Variants in TKTL1 observed in about 807,000 individuals in gnomAD.
The protein encoded by TKTL1 is transketolase-like protein 1.
A neutral mutation model predicts 39.3 loss-of-function variants in TKTL1; 1 was observed. That is an observed-to-expected ratio of 0.03 (90% CI 0.01 to 0.12). The LOEUF is 0.12. Among genes scored for constraint, TKTL1 ranks in the 10% least tolerant of loss-of-function variants. The probability of loss-of-function intolerance (pLI) is 1.00; values close to 1 mark genes in which losing one functional copy is unlikely to be tolerated. For missense variants in TKTL1, 575 were observed against 509.6 expected, an observed-to-expected ratio of 1.13 and a Z score of -1.24; for synonymous variants, 262 against 193.8, an observed-to-expected ratio of 1.35 and a Z score of -2.92.
intron 7 of TKTL1, among the ~76,000 whole-genome samples, chrX:154,318,707 CAAAAAA>C (rs1208196360): frequency 1.7e-4 from 5 of 30,138 alleles, no homozygotes; most frequent in Non-Finnish European, 2.9e-4. Flanking sequence ...GCCTCCGTCT[CAAAAAA>C]AAAAAAAAAA....
chrX:154,322,517 C>T lies in TKTL1; in HGVS notation c.1187-690C>T, dbSNP rs782098745. On this transcript the variant is annotated intron_variant, in intron 8 of 12. Transcript: ENST00000369915. ...GTGCGCTCAAGCCTGGGCAACAGAG[C>T]GAGACTCTGTCTCAAAATAATAATA... is the stretch of plus-strand genomic sequence containing the variant. 1.6e-4 allele frequency among the ~76,000 whole-genome samples: 18 copies of T among 110,926 alleles called. No individual in the cohort carries two copies. In the East Asian group the frequency reaches 3.4e-3, roughly 21 times the overall value.
At chrX:154,313,513 C>T (rs2067374282) in intron 6 of TKTL1, among the ~76,000 whole-genome samples, 2 of 112,235 alleles carry the variant, frequency 1.8e-5, no homozygotes, top group Admixed American at 1.9e-4. Context: ...CTTTCTGATC[C>T]TTCTTTATTT....
Position 154,295,996 on chromosome X carries a change from A to G in TKTL1, c.134+3A>G, listed in dbSNP as rs782091965. ...GCCACATGCTCCACGAGCTCCGGGT[A>G]AGTTCTCCTCATTGAAGTCTGGGTC... is the stretch of plus-strand genomic sequence containing the variant. On this transcript the variant is annotated splice_donor_region_variant and intron_variant, in intron 1 of 12. Transcript: ENST00000369915. The G allele has an allele frequency of 4.1e-6, 5 of 1,210,469 alleles. No homozygotes were observed. Among genetic ancestry groups the G allele is most frequent in the Non-Finnish European group, 5.6e-6 (5 of 894,732 alleles).
chrX:154,324,981 T>C (rs1277166720), intron 9 of TKTL1, among the ~76,000 whole-genome samples: 14 of 112,203 alleles, frequency 1.2e-4, no homozygotes, highest in African/African-American at 3.9e-4. Flanking sequence ...GATGAAGCAT[T>C]ACAAGTTATT....
At chrX:154,296,066 G>A (rs1490038476) in intron 1 of TKTL1, 73 bp downstream of exon 1, 6 of 1,148,184 alleles carry the variant, frequency 5.2e-6, no homozygotes, top group Non-Finnish European at 7.1e-6. Flanking sequence ...GTGGCCATGA[G>A]GCCGTGTGGT....
intron 7 of TKTL1, among the ~76,000 whole-genome samples, chrX:154,317,299 G>A (rs1307417187): frequency 8.9e-6 from 1 of 112,068 alleles, no homozygotes; most frequent in Admixed American, 9.5e-5. Context: ...TGTAGAGCTT[G>A]ACCAGGGGCA....
chrX:154,298,204 C>G (rs2067245812), intron 1 of TKTL1, among the ~76,000 whole-genome samples: 1 of 110,396 alleles, frequency 9.1e-6, no homozygotes, highest in South Asian at 3.8e-4. Context: ...AATGACTCCA[C>G]TTTAACTTGA....
chrX:154,313,043 G>A (rs1414928798), intron 6 of TKTL1, among the ~76,000 whole-genome samples: 1 of 112,179 alleles, frequency 8.9e-6, no homozygotes, highest in Non-Finnish European at 1.9e-5. Context: ...CAGCATCGGA[G>A]TAGTGGACAT....
At chrX:154,296,936 GAACT>G (rs2067234276) in intron 1 of TKTL1, among the ~76,000 whole-genome samples, 1 of 111,488 alleles carries the variant, frequency 9.0e-6, no homozygotes, top group African/African-American at 3.3e-5. Context: ...AGGTTACAGT[GAACT>G]GAGATTGCGC....
At chrX:154,304,895 G>A in intron 1 of TKTL1, 1 of 646,322 alleles carries the variant, frequency 1.5e-6, no homozygotes, top group Non-Finnish European at 2.2e-6. Flanking sequence ...AAATTTCTCA[G>A]TCTGTCACCG....
At chrX:154,303,693 T>TC (rs1330715675) in intron 1 of TKTL1, among the ~76,000 whole-genome samples, 1 of 106,466 alleles carries the variant, frequency 9.4e-6, no homozygotes, top group Non-Finnish European at 1.9e-5. Context: ...CCCCTGGAAG[T>TC]CCCCCATAAT....
rs1557164229 is a variant in TKTL1 at position 154,295,901 on chromosome X, C to G, written c.42C>G (p.Ala14=). ...AEARAEFPEE[A]RPDRGTLQVL... ...CGAGGGCTGAGTTCCCGGAGGAGGC[C>G]AGACCTGACAGGGGCACCTTGCAGG... Residue 14 remains alanine, a synonymous_variant, in exon 1 of 13, where the codon GCC becomes GCG. Transcript: ENST00000369915. The G allele has an allele frequency of 6.6e-6, 8 of 1,211,914 alleles. No homozygotes were observed. Among genetic ancestry groups the G allele is most frequent in the Non-Finnish European group, 8.9e-6 (8 of 895,435 alleles).
At position 154,299,690 on chromosome X, in the gene TKTL1, C is replaced by T. The variant is rs187269046; in HGVS notation, c.134+3697C>T. Among the ~76,000 whole-genome samples, 4 of 111,402 alleles carry T rather than the reference C, an allele frequency of 3.6e-5. No homozygotes were observed. The Admixed American group carries it at 3.9e-4, about 11-fold the overall frequency. Reference sequence around the variant, plus strand: ...ACTTAGCTCCACTTACAAGTGAAAACATACAGTATTTGGTTTTCTATTCCT... The same window carrying T: ...ACTTAGCTCCACTTACAAGTGAAAATATACAGTATTTGGTTTTCTATTCCT... On this transcript the variant is annotated intron_variant, in intron 1 of 12. Coordinates refer to ENST00000369915, the MANE Select transcript of TKTL1 (RefSeq NM_012253.4).
At position 154,309,526 on chromosome X, in the gene TKTL1, G is replaced by A. The variant is rs2067339833; in HGVS notation, c.350+84G>A. The A allele has an allele frequency of 3.7e-6, 3 of 819,242 alleles. No homozygotes were observed. The African/African-American group carries it at 6.2e-5, about 17-fold the overall frequency. The allele number at this position is 819,242 out of a possible 1,213,427, so 67.5% of individuals were successfully genotyped here. A position where few individuals can be genotyped will look rare whatever the true frequency, so the allele number is the denominator to read the frequency against. On this transcript the variant is annotated intron_variant, in intron 3 of 12. Coordinates refer to ENST00000369915, the MANE Select transcript of TKTL1 (RefSeq NM_012253.4). ...TCTCGGGGGGCAGCCACCTATCTCC[G>A]TGATGTGGAGAGCCCTGAAGGGCCA...
At chrX:154,321,891 T>C (rs1429104382) in intron 8 of TKTL1, among the ~76,000 whole-genome samples, 1 of 109,029 alleles carries the variant, frequency 9.2e-6, no homozygotes, top group Non-Finnish European at 1.9e-5. Context: ...CGCGGCAGTG[T>C]TGCAGGGGCA....
At chrX:154,316,792 G>GTC (rs781846825) in intron 7 of TKTL1, among the ~76,000 whole-genome samples, 1,914 of 102,000 alleles carry the variant, frequency 0.019, 15 homozygotes, top group Non-Finnish European at 0.029. Flanking sequence ...TTGAGATGGA[G>GTC]TCTCTCTCTC....
At chrX:154,329,424 G>A (rs1221057853) in intron 12 of TKTL1, 92 bp from the exon 13 acceptor site, 1 of 930,653 alleles carries the variant, frequency 1.1e-6, no homozygotes, top group Non-Finnish European at 1.5e-6. Context: ...ATTTTCCCCT[G>A]GGAAGCTGCA....
intron 1 of TKTL1, among the ~76,000 whole-genome samples, chrX:154,299,550 T>C (rs181319064): frequency 9.0e-6 from 1 of 111,079 alleles, no homozygotes; most frequent in East Asian, 2.8e-4. Context: ...GAGATTTTAG[T>C]GTACCCATCA....
rs2315056 is a variant in TKTL1, at chrX:154,305,487, C to T, written c.252+66C>T. On this transcript the variant is annotated intron_variant, in intron 2 of 12. Coordinates refer to ENST00000369915, the MANE Select transcript of TKTL1 (RefSeq NM_012253.4). ...GGTTAAGCCCAGTTTGAACAGCCAC[C>T]GTGTGGGAACAAGGCCTGAAATGGG... is the stretch of plus-strand genomic sequence containing the variant. 0.02 allele frequency: 23,280 copies of T among 1,137,712 alleles called. 1,911 individuals are homozygous for T. In the African/African-American group the frequency reaches 0.3, roughly 15 times the overall value. The allele number at this position is 1,137,712 out of a possible 1,213,427, so 93.8% of individuals were successfully genotyped here. A position where few individuals can be genotyped will look rare whatever the true frequency, so the allele number is the denominator to read the frequency against.
Sources: allele counts gnomAD v4.1 joint callset (sites outside exome capture counted in the v4.1 genomes callset), GRCh38; gene constraint gnomAD v4.1.1; transcripts MANE v1.5; gene names NCBI Gene and HGNC (gene_info 2026-07-23, HGNC 2026-07-21).